The following CMTM7 variants were observed in gnomAD, a reference collection of about 807,000 sequenced individuals.
CMTM7 encodes CKLF like MARVEL transmembrane domain containing 7.
A neutral mutation model predicts 19.3 loss-of-function variants in CMTM7; 7 were observed. The ratio of observed to expected loss-of-function variants is 0.36; its 90% CI spans 0.21 to 0.68. CMTM7 has a LOEUF of 0.68. Among genes scored for constraint, CMTM7 ranks in the 30% least tolerant of loss-of-function variants. CMTM7 has a pLI of 0.60. For synonymous variants in CMTM7, 87 were observed against 99.3 expected, an observed-to-expected ratio of 0.88 and a Z score of 0.74; for missense variants, 193 against 232.6, an observed-to-expected ratio of 0.83 and a Z score of 1.11.
intron 1 of CMTM7, among the ~76,000 whole-genome samples, chr3:32,425,703 A>C (rs1225867392): frequency 6.6e-6 from 1 of 152,212 alleles, no homozygotes; most frequent in Non-Finnish European, 1.5e-5. Context: ...AAAGGTACAA[A>C]TTGGAATTAA....
chr3:32,403,892 C>T (rs1265313629), intron 1 of CMTM7, among the ~76,000 whole-genome samples: 3 of 152,158 alleles, frequency 2.0e-5, no homozygotes, highest in Non-Finnish European at 4.4e-5. Flanking sequence ...GTGATGACTT[C>T]ATCCTTTGCC....
chr3:32,427,975 A>C (rs895848473), intron 1 of CMTM7, among the ~76,000 whole-genome samples: 11 of 152,176 alleles, frequency 7.2e-5, no homozygotes, highest in African/African-American at 1.4e-4. Context: ...ATGTGGCATC[A>C]CCTAACCCTG....
At position 32,455,071 on chromosome 3, in the gene CMTM7, A is replaced by G. The variant is rs1452685484; in HGVS notation, c.*817A>G. 1 of 152,940 alleles carries G rather than the reference A, an allele frequency of 6.5e-6. No homozygotes were observed. Among genetic ancestry groups the G allele is most frequent in the Admixed American group, 6.5e-5 (1 of 15,362 alleles). The allele number at this position is 152,940 out of a possible 1,614,324, so 9.5% of individuals were successfully genotyped here. On this transcript the variant is annotated 3_prime_UTR_variant, in exon 5 of 5. Coordinates refer to ENST00000334983, the MANE Select transcript of CMTM7 (RefSeq NM_138410.4). ...TATATTCACGTCCTCCTTCTCCTGC[A>G]ATACCAATCTTCTCATTTTGGAAAG...
In CMTM7 at chr3:32,449,985, C is replaced by G. The variant is rs1185006227; in HGVS notation, c.432+433C>G. ...GAGCTTTGCCATTCCTGATTTTTAA[C>G]AGTATTCAGGCCAGGAAATAATACT... On this transcript the variant is annotated intron_variant, in intron 3 of 4. Coordinates refer to ENST00000334983, the MANE Select transcript of CMTM7 (RefSeq NM_138410.4). The surrounding 1 kb of genome is among the most constrained non-coding windows in gnomAD (Gnocchi z 4.5). Among the ~76,000 whole-genome samples the G allele has an allele frequency of 6.6e-6, 1 of 152,122 alleles. No homozygotes were observed. The highest frequency in any genetic ancestry group is 1.5e-5 in the Non-Finnish European group (1 of 68,024).
intron 1 of CMTM7, among the ~76,000 whole-genome samples, chr3:32,438,094 C>T (rs562552585): frequency 1.3e-5 from 2 of 152,278 alleles, no homozygotes; most frequent in South Asian, 2.1e-4. Context: ...TGCTTCACTC[C>T]GTCCTGAAGT....
At chr3:32,421,858 GTTCTAAA>G (rs1329610614) in intron 1 of CMTM7, among the ~76,000 whole-genome samples, 4 of 152,184 alleles carry the variant, frequency 2.6e-5, no homozygotes, top group African/African-American at 9.7e-5. Flanking sequence ...GTACCAGGCT[GTTCTAAA>G]TATTTTGCCT....
intron 4 of CMTM7, 78 bp downstream of exon 4, chr3:32,452,551 C>G: frequency 1.4e-6 from 2 of 1,422,160 alleles, no homozygotes; most frequent in Non-Finnish European, 2.0e-6. Context: ...GCCATAGGGA[C>G]AAACCCTGCT....
intron 1 of CMTM7, among the ~76,000 whole-genome samples, chr3:32,417,017 C>T (rs1459917152): frequency 6.6e-6 from 1 of 152,180 alleles, no homozygotes; most frequent in African/African-American, 2.4e-5. Context: ...AGATAGAATT[C>T]ACATACTATA....
intron 1 of CMTM7, among the ~76,000 whole-genome samples, chr3:32,406,524 G>A (rs1559402282): frequency 6.6e-6 from 1 of 152,164 alleles, no homozygotes; most frequent in Non-Finnish European, 1.5e-5. Context: ...TTAGTGTTGG[G>A]ACAGTGTTCA....
Position 32,441,877 on chromosome 3 carries a change from C to T in CMTM7, c.197C>T (p.Ser66Phe), listed in dbSNP as rs1696682195. 1.9e-6 allele frequency: 3 copies of T among 1,614,090 alleles called. No individual in the cohort carries two copies. Among genetic ancestry groups the T allele is most frequent in the African/African-American group, 2.7e-5 (2 of 74,936 alleles). Reference sequence around the variant, plus strand: ...ATTGCCTTCATCTGTGTGCGGAGCTCCCTGTGGACCAACTACAGCGCCTAC... The same window carrying T: ...ATTGCCTTCATCTGTGTGCGGAGCTTCCTGTGGACCAACTACAGCGCCTAC... ...LLIAFICVRS[S>F]LWTNYSAYSY... Residue 66 changes from serine (S) to phenylalanine (F), a missense_variant, in exon 2 of 5, where the codon TCC becomes TTC. Ser to Phe is a radical substitution (Grantham distance 155). Coordinates refer to ENST00000334983, the MANE Select transcript of CMTM7 (RefSeq NM_138410.4).
chr3:32,423,787 C>T (rs1696381491), intron 1 of CMTM7, among the ~76,000 whole-genome samples: 1 of 152,188 alleles, frequency 6.6e-6, no homozygotes, highest in African/African-American at 2.4e-5. Context: ...GCTGAGCCAT[C>T]CTAAGAGTAT....
chr3:32,393,715 A>C (rs1354395576), intron 1 of CMTM7, among the ~76,000 whole-genome samples: 1 of 123,836 alleles, frequency 8.1e-6, no homozygotes, highest in Non-Finnish European at 1.5e-5. Flanking sequence ...GATTGAACTG[A>C]GAAGGTCAGT....
intron 2 of CMTM7, among the ~76,000 whole-genome samples, chr3:32,444,560 A>G (rs1398744882): frequency 6.6e-6 from 1 of 152,210 alleles, no homozygotes; most frequent in African/African-American, 2.4e-5. Context: ...GAATTTTAGA[A>G]TCGGGTTTTC....
intron 1 of CMTM7, among the ~76,000 whole-genome samples, chr3:32,396,193 G>T (rs764249223): frequency 6.6e-6 from 1 of 152,072 alleles, no homozygotes; most frequent in African/African-American, 2.4e-5. Context: ...TCTTTAGGGG[G>T]TGATGAAAAT....
In CMTM7 at chr3:32,432,373, G is replaced by A. The variant is rs990879081; in HGVS notation, c.160-9467G>A. Among the ~76,000 whole-genome samples the A allele has an allele frequency of 2.6e-5, 4 of 152,182 alleles. No homozygotes were observed. The South Asian group carries it at 8.3e-4, about 31-fold the overall frequency. The stretch of plus-strand genomic sequence containing the variant: ...AGCGAGTGCTTCCTTCACCCCTGGG[G>A]GTTCCCATGGCCCTGACCCCCAGAC... On this transcript the variant is annotated intron_variant, in intron 1 of 4. Transcript: ENST00000334983.
intron 1 of CMTM7, among the ~76,000 whole-genome samples, chr3:32,395,395 T>A (rs1695900838): frequency 6.6e-6 from 1 of 152,182 alleles, no homozygotes; most frequent in African/African-American, 2.4e-5. Context: ...TCTCATTAAA[T>A]GTTTCTAAGA....
intron 1 of CMTM7, among the ~76,000 whole-genome samples, chr3:32,420,090 A>G (rs1696322057): frequency 6.6e-6 from 1 of 152,250 alleles, no homozygotes; most frequent in Admixed American, 6.5e-5. Flanking sequence ...GGTCCTACCA[A>G]GTGCTGGGTC....
intron 2 of CMTM7, among the ~76,000 whole-genome samples, chr3:32,443,553 A>G (rs550921238): frequency 6.6e-6 from 1 of 152,144 alleles, no homozygotes; most frequent in South Asian, 2.1e-4. Context: ...TTTTGTGTGG[A>G]CATATTTTCA....
At chr3:32,396,274 G>A (rs1239048489) in intron 1 of CMTM7, among the ~76,000 whole-genome samples, 1 of 152,148 alleles carries the variant, frequency 6.6e-6, no homozygotes, top group Non-Finnish European at 1.5e-5. Flanking sequence ...GGGAGGCTGA[G>A]GTGGGTGGAT....
Sources: allele counts gnomAD v4.1 joint callset (sites outside exome capture counted in the v4.1 genomes callset), GRCh38; gene constraint gnomAD v4.1.1; non-coding constraint Gnocchi (gnomAD v3.1); transcripts MANE v1.5; gene names NCBI Gene and HGNC (gene_info 2026-07-23, HGNC 2026-07-21).